The following HECTD2 variants were observed in gnomAD, a reference collection of about 807,000 sequenced individuals.
HECTD2 encodes HECT domain E3 ubiquitin protein ligase 2, also known as probable E3 ubiquitin-protein ligase HECTD2.
In HECTD2, 35 loss-of-function variants were observed where a neutral mutation model predicts 103.2. The ratio of observed to expected loss-of-function variants is 0.34; its 90% CI spans 0.26 to 0.45. The LOEUF (loss-of-function observed/expected upper bound fraction) is 0.45. Among genes scored for constraint, HECTD2 ranks in the 20% least tolerant of loss-of-function variants. The pLI is 1.00. For synonymous variants in HECTD2, 281 were observed against 329.9 expected (o/e 0.85, Z 1.61); for missense variants, 596 against 937.4 (o/e 0.64, Z 4.76).
chr10:91,468,050 T>A (rs898527059), intron 5 of HECTD2, among the ~76,000 whole-genome samples: 1 of 152,166 alleles, frequency 6.6e-6, no homozygotes, highest in Non-Finnish European at 1.5e-5. Context: ...AGCAGATGTG[T>A]GTGCATCCCA....
chr10:91,410,485 T>C lies in HECTD2; in HGVS notation c.47T>C (p.Val16Ala), dbSNP rs778908428. The change falls in exon 1 of 21, where the codon GTG becomes GCG. Residue 16 changes from valine to alanine, a missense_variant. Around this residue, in one of 4 missense-constraint regions of HECTD2, gnomAD observed 220 missense variants for 233.9 expected, o/e 0.94. Coordinates refer to ENST00000298068, the MANE Select transcript of HECTD2 (RefSeq NM_182765.6). ...CCCTCGCCCGCCACTCCGCTGGTGG[T>C]GGCGGCGCCCGCGCCTGAGGAGAGG... ...RVPSPATPLV[V>A]AAPAPEERKG... is the part of the protein sequence containing the mutation. The C allele has an allele frequency of 1.4e-6, 2 of 1,467,588 alleles. No homozygotes were observed. The highest frequency in any genetic ancestry group is 1.5e-5 in the African/African-American group (1 of 68,070). The allele number at this position is 1,467,588 out of a possible 1,614,324, so 90.9% of individuals were successfully genotyped here. A position where few individuals can be genotyped will look rare whatever the true frequency, so the allele number is the denominator to read the frequency against.
intron 20 of HECTD2, among the ~76,000 whole-genome samples, chr10:91,505,057 C>T (rs1168996251): frequency 1.3e-5 from 2 of 151,932 alleles, no homozygotes; most frequent in African/African-American, 4.8e-5. Flanking sequence ...AAATACTTTA[C>T]AGACAAGCAA....
Position 91,462,156 on chromosome 10 carries a change from A to G in HECTD2, c.572A>G (p.Asn191Ser). ...TCTGGGATTAATGCTAAATTTGTGA[A>G]TGCTGTGTATGATACCTTACTTAAT... is the stretch of plus-strand genomic sequence containing the variant. ...EDSGINAKFV[N>S]AVYDTLLNTP... Residue 191 changes from asparagine (N) to serine (S), a missense_variant, in exon 5 of 21, where the codon AAT becomes AGT. By Grantham distance (46) the Asn-to-Ser change is conservative. Around this residue, in one of 4 missense-constraint regions of HECTD2, gnomAD observed 303 missense variants for 522.5 expected, o/e 0.58. Transcript: ENST00000298068. 1.3e-6 allele frequency: 2 copies of G among 1,588,622 alleles called. No homozygotes were observed. The highest frequency in any genetic ancestry group is 1.7e-6 in the Non-Finnish European group (2 of 1,158,420).
chr10:91,420,223 CAA>C (rs544447609), intron 1 of HECTD2, among the ~76,000 whole-genome samples: 69 of 146,568 alleles, frequency 4.7e-4, no homozygotes, highest in Non-Finnish European at 8.2e-4. Flanking sequence ...ATTTTACAAA[CAA>C]GAGACTTATT....
At chr10:91,484,806 T>C (rs549630788) in intron 9 of HECTD2, 151 bp downstream of exon 9, 10 of 663,070 alleles carry the variant, frequency 1.5e-5, no homozygotes, top group African/African-American at 1.1e-4. Flanking sequence ...ACTTTGATAA[T>C]AGATTTCATA....
rs570184666 is a variant in HECTD2 at position 91,512,450 on chromosome 10, C to T, written c.*66C>T. 1 of 1,373,780 alleles carries T rather than the reference C, an allele frequency of 7.3e-7. No individual in the cohort carries two copies. The highest frequency in any genetic ancestry group is 2.3e-5 in the East Asian group (1 of 43,150). The allele number at this position is 1,373,780 out of a possible 1,614,324, so 85.1% of individuals were successfully genotyped here. On this transcript the variant is annotated 3_prime_UTR_variant, in exon 21 of 21. Coordinates refer to ENST00000298068, the MANE Select transcript of HECTD2 (RefSeq NM_182765.6). ...ACTTCCCTCTTACTGTGCCTTTAGC[C>T]TTTTCATGTTTCTGTCTCAAAACAC...
At chr10:91,413,546 G>A (rs1843005107) in intron 1 of HECTD2, among the ~76,000 whole-genome samples, 1 of 152,190 alleles carries the variant, frequency 6.6e-6, no homozygotes, top group Non-Finnish European at 1.5e-5. Flanking sequence ...AATTTCTGGG[G>A]ATGTTGCTCA....
intron 1 of HECTD2, among the ~76,000 whole-genome samples, chr10:91,414,800 T>C (rs1220222885): frequency 6.6e-6 from 1 of 151,960 alleles, no homozygotes; most frequent in Non-Finnish European, 1.5e-5. Context: ...GCGAGCCCAG[T>C]GGAAGCATGC....
intron 2 of HECTD2, among the ~76,000 whole-genome samples, chr10:91,426,509 T>A (rs1443378164): frequency 2.0e-5 from 3 of 151,928 alleles, no homozygotes; most frequent in African/African-American, 7.3e-5. Flanking sequence ...GTATTTTTAT[T>A]GCCTCATTTT....
At chr10:91,456,043 C>T (rs1394386461) in intron 2 of HECTD2, among the ~76,000 whole-genome samples, 1 of 152,160 alleles carries the variant, frequency 6.6e-6, no homozygotes, top group Non-Finnish European at 1.5e-5. Flanking sequence ...TTAGGATTGA[C>T]TTAGCAATGC....
intron 20 of HECTD2, among the ~76,000 whole-genome samples, chr10:91,501,727 G>T (rs1846906859): frequency 6.6e-6 from 1 of 151,062 alleles, no homozygotes; most frequent in Admixed American, 6.6e-5. Context: ...CTTTTCTAGG[G>T]GGTTGGGGGA....
At chr10:91,438,100 T>G (rs748365360) in intron 2 of HECTD2, among the ~76,000 whole-genome samples, 3 of 152,044 alleles carry the variant, frequency 2.0e-5, no homozygotes, top group Non-Finnish European at 2.9e-5. Context: ...CTTTTTTTTT[T>G]TCTTTAAGTT....
chr10:91,450,679 G>GA (rs139563239), intron 2 of HECTD2, among the ~76,000 whole-genome samples: 160 of 141,338 alleles, frequency 1.1e-3, no homozygotes, highest in East Asian at 4.1e-3. Context: ...AGATTTACAA[G>GA]AAAAAAAAAA....
At chr10:91,434,898 A>T (rs1393041842) in intron 2 of HECTD2, among the ~76,000 whole-genome samples, 2 of 151,992 alleles carry the variant, frequency 1.3e-5, no homozygotes, top group African/African-American at 4.8e-5. Flanking sequence ...AGTTGTAAAG[A>T]TATGTATGAA....
intron 5 of HECTD2, among the ~76,000 whole-genome samples, chr10:91,476,994 C>T (rs1430907270): frequency 6.6e-6 from 1 of 151,576 alleles, no homozygotes; most frequent in Non-Finnish European, 1.5e-5. Context: ...TCCTGGCTAA[C>T]AAGGTGAAAC....
chr10:91,461,581 C>T (rs1159609269), intron 4 of HECTD2, among the ~76,000 whole-genome samples: 1 of 152,038 alleles, frequency 6.6e-6, no homozygotes, highest in Admixed American at 6.6e-5. Context: ...TGGAGTCTCA[C>T]TCTGTTGCCC....
chr10:91,499,727 A>G (rs1032829749), intron 18 of HECTD2, among the ~76,000 whole-genome samples: 21 of 152,164 alleles, frequency 1.4e-4, no homozygotes, highest in Admixed American at 1.0e-3. Context: ...TACCCAGCAC[A>G]CACTTTCATC....
In HECTD2 at chr10:91,487,952, A is replaced by G. The variant is rs111651622; in HGVS notation, c.1191+174A>G. The G allele has an allele frequency of 2.2e-6, 1 of 450,390 alleles. No homozygotes were observed. Among genetic ancestry groups the G allele is most frequent in the African/African-American group, 2.0e-5 (1 of 50,442 alleles). 27.9% of individuals were successfully genotyped at this position (450,390 alleles called of 1,614,324 possible). A position where few individuals can be genotyped will look rare whatever the true frequency, so the allele number is the denominator to read the frequency against. On this transcript the variant is annotated intron_variant, in intron 11 of 20. Coordinates refer to ENST00000298068, the MANE Select transcript of HECTD2 (RefSeq NM_182765.6). This position sits in a 1 kb window ranked among gnomAD's most constrained non-coding sequence, Gnocchi z 4.1. ...AAAACTATTTACAATTTGGGAGACA[A>G]GATAACTCTCATCTCTTCTGATCAA...
Position 91,460,515 on chromosome 10 carries a change from C to T in HECTD2, c.357C>T (p.Val119=). 1 of 1,612,756 alleles carries T rather than the reference C, an allele frequency of 6.2e-7. No individual in the cohort carries two copies. Among genetic ancestry groups the T allele is most frequent in the African/African-American group, 1.3e-5 (1 of 74,982 alleles). The change falls in exon 3 of 21, where the codon GTC becomes GTT. Residue 119 remains valine (V), a synonymous_variant. Coordinates refer to ENST00000298068, the MANE Select transcript of HECTD2 (RefSeq NM_182765.6). ...DASSSEMKAP[V]LPEPILPIQP... is the part of the protein sequence containing the mutation. Reference sequence around the variant, plus strand: ...CATCATCCGAAATGAAGGCCCCAGTCCTTCCAGAACCTATTCTTCCTATCC... The same window carrying T: ...CATCATCCGAAATGAAGGCCCCAGTTCTTCCAGAACCTATTCTTCCTATCC...
Sources: allele counts gnomAD v4.1 joint callset (sites outside exome capture counted in the v4.1 genomes callset), GRCh38; gene constraint gnomAD v4.1.1; regional missense constraint gnomAD v4.1.1; non-coding constraint Gnocchi (gnomAD v3.1); transcripts MANE v1.5; gene names NCBI Gene and HGNC (gene_info 2026-07-23, HGNC 2026-07-21).